Variants in ADAM20 observed in about 807,000 individuals in gnomAD.
The protein encoded by ADAM20 is disintegrin and metalloproteinase domain-containing protein 20.
For missense variants in ADAM20, 871 were observed against 883.2 expected, an observed-to-expected ratio of 0.99 and a Z score of 0.18; for synonymous variants, 305 against 310.2, an observed-to-expected ratio of 0.98 and a Z score of 0.18.
chr14:70,563,909 C>T, the ADAM20 span, among the ~76,000 whole-genome samples: 1 of 152,226 alleles, frequency 6.6e-6, no homozygotes, highest in Non-Finnish European at 1.5e-5. Flanking sequence ...TTCTTTATAG[C>T]AATGAAAGAA....
In ADAM20 at chr14:70,523,394, T is replaced by C; in HGVS notation, c.1364A>G (p.Asp455Gly). ...AGTTCCTGATGGCAGAAATTTGCAG[T>C]CTTTGCAACATATTCCAAAAGCACA... is the stretch of plus-strand genomic sequence containing the variant. ...AACAFGICCK[D>G]CKFLPSGTLC... Residue 455 changes from aspartate (D) to glycine (G), a missense_variant, in exon 2 of 2, where the codon GAC (aspartate) becomes GGC (glycine). Physicochemically the swap from Asp to Gly is moderately conservative, Grantham distance 94 (BLOSUM62 -1). Transcript: ENST00000256389. 1 of 1,614,028 alleles carries C rather than the reference T, an allele frequency of 6.2e-7. No homozygotes were observed. Among genetic ancestry groups the C allele is most frequent in the Non-Finnish European group, 8.5e-7 (1 of 1,179,982 alleles).
chr14:70,525,019 T>C (rs962947756), intron 1 of ADAM20, 86 bp from the exon 2 acceptor site: 4 of 1,178,144 alleles, frequency 3.4e-6, no homozygotes, highest in African/African-American at 1.5e-5. Context: ...ATTTGGACCA[T>C]ATTTGAAGCA....
In ADAM20 at chr14:70,525,040, T is replaced by C. The variant is rs538264689; in HGVS notation, c.-176-107A>G. ...ACCATATTTGAAGCAATAAAATGCATTAGGATTCTCTTAATACATATGGCC... is the reference window on the plus strand; with the variant it reads ...ACCATATTTGAAGCAATAAAATGCACTAGGATTCTCTTAATACATATGGCC... On this transcript the variant is annotated intron_variant, in intron 1 of 1. Coordinates refer to ENST00000256389, the MANE Select transcript of ADAM20 (RefSeq NM_003814.5). The C allele has an allele frequency of 1.1e-5, 11 of 984,336 alleles. No homozygotes were observed. The African/African-American group carries it at 1.1e-4, about 10-fold the overall frequency. 61.0% of individuals were successfully genotyped at this position (984,336 alleles called of 1,614,324 possible). A position where few individuals can be genotyped will look rare whatever the true frequency, so the allele number is the denominator to read the frequency against.
chr14:70,523,308 G>A lies in ADAM20; in HGVS notation c.1450C>T (p.Gln484Ter), dbSNP rs758361875. ...TGCACATACACATCATCTGGGCATT[G>A]ATGGGATGTCCCATTGCACCACTCT... ...LPEWCNGTSH[Q>*]CPDDVYVQDG... The change falls in exon 2 of 2, where the codon CAA (glutamine) becomes TAA (stop). Residue 484 changes from glutamine to a stop codon, truncating the protein, a stop_gained. Coordinates refer to ENST00000256389, the MANE Select transcript of ADAM20 (RefSeq NM_003814.5). LOFTEE classifies it low-confidence loss of function (END_TRUNC). 6.2e-7 allele frequency: 1 copy of A among 1,614,008 alleles called. No homozygotes were observed. Among genetic ancestry groups the A allele is most frequent in the Admixed American group, 1.7e-5 (1 of 60,000 alleles).
intron 1 of ADAM20, among the ~76,000 whole-genome samples, chr14:70,527,981 GC>G (rs1468373314): frequency 3.9e-5 from 6 of 152,114 alleles, no homozygotes; most frequent in Non-Finnish European, 8.8e-5. Context: ...TTCAACTTCT[GC>G]TTTGCATCAT....
the ADAM20 span, among the ~76,000 whole-genome samples, chr14:70,571,294 A>T: frequency 1.3e-5 from 2 of 152,120 alleles, no homozygotes; most frequent in Admixed American, 1.3e-4. Context: ...AGGACCCGGT[A>T]GGAGGTAATT....
the ADAM20 span, among the ~76,000 whole-genome samples, chr14:70,555,106 T>TTA: frequency 6.6e-6 from 1 of 152,348 alleles, no homozygotes; most frequent in Admixed American, 6.5e-5. Flanking sequence ...TGAATCGCCC[T>TTA]TATGTTCCTG....
In ADAM20 at chr14:70,523,961, A is replaced by G; in HGVS notation, c.797T>C (p.Leu266Pro). Residue 266 changes from leucine to proline, a missense_variant, in exon 2 of 2, where the codon CTT becomes CCT. Transcript: ENST00000256389. ...ATTATCTAGGTCTCCACTGGTAGGAAGTGGATTTGATGCAGTCCATATATC... is the reference window on the plus strand; with the variant it reads ...ATTATCTAGGTCTCCACTGGTAGGAGGTGGATTTGATGCAGTCCATATATC... ...GIDIWTASNP[L>P]PTSGDLDNVL... 1 of 1,614,072 alleles carries G rather than the reference A, an allele frequency of 6.2e-7. No individual in the cohort carries two copies. The highest frequency in any genetic ancestry group is 8.5e-7 in the Non-Finnish European group (1 of 1,179,972).
the ADAM20 span, among the ~76,000 whole-genome samples, chr14:70,565,527 C>T: frequency 3.2e-4 from 49 of 152,102 alleles, no homozygotes; most frequent in African/African-American, 1.2e-3. Flanking sequence ...AAAAGTGACT[C>T]ATTACAGGCA....
chr14:70,534,709 T>C (rs1049858932), intron 1 of ADAM20, 88 bp downstream of exon 1: 3 of 152,186 alleles, frequency 2.0e-5, no homozygotes, highest in Non-Finnish European at 4.4e-5. Context: ...ATAATTTCAG[T>C]CATACAAGAT....
At chr14:70,529,788 T>C (rs906980702) in intron 1 of ADAM20, among the ~76,000 whole-genome samples, 1 of 152,212 alleles carries the variant, frequency 6.6e-6, no homozygotes, top group Non-Finnish European at 1.5e-5. Context: ...GCCTGGGACA[T>C]TACTGTACAC....
intron 1 of ADAM20, among the ~76,000 whole-genome samples, chr14:70,525,314 C>T (rs751405906): frequency 2.0e-5 from 3 of 152,090 alleles, no homozygotes; most frequent in Non-Finnish European, 2.9e-5. Flanking sequence ...CCTAGACTCA[C>T]GAGATCCTCC....
the ADAM20 span, among the ~76,000 whole-genome samples, chr14:70,540,681 TG>T: frequency 2.0e-5 from 3 of 152,212 alleles, no homozygotes; most frequent in Non-Finnish European, 4.4e-5. Context: ...TTTAGTGAAA[TG>T]CCCTAACTTC....
chr14:70,562,765 T>A, the ADAM20 span, among the ~76,000 whole-genome samples: 2 of 152,198 alleles, frequency 1.3e-5, no homozygotes, highest in Non-Finnish European at 2.9e-5. Context: ...ATTGTAAGTT[T>A]CCTGAGGCCT....
chr14:70,578,867 G>A, the ADAM20 span, among the ~76,000 whole-genome samples: 2 of 152,052 alleles, frequency 1.3e-5, no homozygotes, highest in African/African-American at 4.8e-5. Context: ...AATCTTAAGT[G>A]CTTATTGTTC....
At chr14:70,536,412 G>A (rs1215953218), upstream of ADAM20, among the ~76,000 whole-genome samples, 1 of 128,280 alleles carries the variant, frequency 7.8e-6, no homozygotes, top group Non-Finnish European at 1.6e-5. Context: ...GTTGCGGTGA[G>A]CCTAGATCAC....
chr14:70,553,838 G>C, the ADAM20 span, among the ~76,000 whole-genome samples: 1 of 152,016 alleles, frequency 6.6e-6, no homozygotes, highest in East Asian at 1.9e-4. Flanking sequence ...CATCATGAAT[G>C]GGGAAAAACT....
chr14:70,563,878 C>T, the ADAM20 span, among the ~76,000 whole-genome samples: 1 of 152,212 alleles, frequency 6.6e-6, no homozygotes, highest in African/African-American at 2.4e-5. Context: ...CTTTCTTTAT[C>T]AATTACCTAA....
chr14:70,577,382 T>A, the ADAM20 span, among the ~76,000 whole-genome samples: 1 of 152,178 alleles, frequency 6.6e-6, no homozygotes, highest in Non-Finnish European at 1.5e-5. Flanking sequence ...GTATCATCTG[T>A]TATCTCAACA....
Sources: allele counts gnomAD v4.1 joint callset (sites outside exome capture counted in the v4.1 genomes callset), GRCh38; gene constraint gnomAD v4.1.1; transcripts MANE v1.5; gene names NCBI Gene and HGNC (gene_info 2026-07-23, HGNC 2026-07-21).